DNAI4: variants seen among roughly 807,000 people sequenced by gnomAD.
DNAI4 encodes the protein dynein axonemal intermediate chain 4, also known as WD repeat domain 78.
A neutral mutation model predicts 105.8 loss-of-function variants in DNAI4; 85 were observed. That is an observed-to-expected ratio of 0.80 (90% CI 0.67 to 0.96). DNAI4 has a LOEUF of 0.96. DNAI4 is among the 40% of genes least tolerant of loss of function. The pLI is 0.00. For synonymous variants in DNAI4, 352 were observed against 331.5 expected (o/e 1.06, Z -0.67); for missense variants, 1,014 against 1,005.6 (o/e 1.01, Z -0.11).
At chr1:66,913,548 A>G (rs1649819291) in intron 1 of DNAI4, among the ~76,000 whole-genome samples, 1 of 152,108 alleles carries the variant, frequency 6.6e-6, no homozygotes, top group South Asian at 2.1e-4. Context: ...TATCTGGGCA[A>G]TTGTGGCCCT....
intron 8 of DNAI4, among the ~76,000 whole-genome samples, chr1:66,841,665 T>G (rs1285271365): frequency 6.6e-6 from 1 of 152,098 alleles, no homozygotes; most frequent in Non-Finnish European, 1.5e-5. Flanking sequence ...GCCACTGCAC[T>G]TGGCCAAGAT....
At chr1:66,900,465 TTG>T (rs1228493993) in intron 2 of DNAI4, among the ~76,000 whole-genome samples, 6 of 152,200 alleles carry the variant, frequency 3.9e-5, no homozygotes, top group African/African-American at 1.4e-4. Context: ...CTGATAACAA[TTG>T]TGTTAAGTTT....
intron 10 of DNAI4, among the ~76,000 whole-genome samples, chr1:66,836,772 A>C (rs1002661945): frequency 2.0e-5 from 3 of 152,222 alleles, no homozygotes; most frequent in African/African-American, 7.2e-5. Context: ...ACACTGTTAC[A>C]GCTATTACAG....
rs565616133 is a variant in DNAI4 at position 66,840,673 on chromosome 1, T to C, written c.1292-2A>G. ...CTTCAGGCTCTTCAGGTTCAGGTTC[T>C]AAAGTTTAAACAAATAAAAAGATCA... On this transcript the variant is annotated splice_acceptor_variant, in intron 8 of 16. Transcript: ENST00000371026. LOFTEE classifies it high-confidence loss of function. The C allele has an allele frequency of 6.2e-7, 1 of 1,614,008 alleles. No individual in the cohort carries two copies. The highest frequency in any genetic ancestry group is 1.7e-5 in the Admixed American group (1 of 59,998).
chr1:66,868,052 T>C (rs947139379), intron 6 of DNAI4, among the ~76,000 whole-genome samples: 1 of 152,206 alleles, frequency 6.6e-6, no homozygotes, highest in Non-Finnish European at 1.5e-5. Context: ...CATTTACCGT[T>C]CTTGTTTTAC....
At chr1:66,833,944 T>G in intron 12 of DNAI4, 47 bp downstream of exon 12, 3 of 1,541,726 alleles carry the variant, frequency 1.9e-6, no homozygotes, top group Non-Finnish European at 2.6e-6. Flanking sequence ...CTAGAAAATT[T>G]TAATTCAGCA....
In DNAI4 at chr1:66,848,067, G is replaced by C. The variant is rs139362608; in HGVS notation, c.1097-389C>G. 2.4e-3 allele frequency: 911 copies of C among 385,674 alleles called. 8 individuals are homozygous for C. The highest frequency in any genetic ancestry group is 0.018 in the African/African-American group (837 of 47,504). 23.9% of individuals were successfully genotyped at this position (385,674 alleles called of 1,614,324 possible). A position where few individuals can be genotyped will look rare whatever the true frequency, so the allele number is the denominator to read the frequency against. Reference sequence around the variant, plus strand: ...CTTGCTGCTGTAACAAATCACAGTGGCTTAAAACAATGCAAATTTATCTTA... The same window carrying C: ...CTTGCTGCTGTAACAAATCACAGTGCCTTAAAACAATGCAAATTTATCTTA... On this transcript the variant is annotated intron_variant, in intron 7 of 16. Coordinates refer to ENST00000371026, the MANE Select transcript of DNAI4 (RefSeq NM_024763.5).
intron 12 of DNAI4, 121 bp from the exon 13 acceptor site, chr1:66,833,827 G>A: frequency 1.4e-6 from 2 of 1,414,114 alleles, no homozygotes; most frequent in Admixed American, 2.5e-5. Context: ...CATGTAATTA[G>A]GCTAAAATTA....
chr1:66,827,746 T>A, intron 14 of DNAI4, 66 bp downstream of exon 14: 1 of 874,636 alleles, frequency 1.1e-6, no homozygotes, highest in Non-Finnish European at 1.7e-6. Context: ...ACATATTCTG[T>A]ATATAATGGT....
intron 2 of DNAI4, among the ~76,000 whole-genome samples, chr1:66,893,793 T>C (rs1419241870): frequency 6.6e-6 from 1 of 152,328 alleles, no homozygotes; most frequent in African/African-American, 2.4e-5. Context: ...CAAGTTATTA[T>C]ATGCTTTTGG....
chr1:66,913,834 T>G (rs1649848575), intron 1 of DNAI4, among the ~76,000 whole-genome samples: 1 of 151,868 alleles, frequency 6.6e-6, no homozygotes, highest in African/African-American at 2.4e-5. Flanking sequence ...TACAAAAAAT[T>G]AGCCAGGCGT....
chr1:66,881,336 T>C (rs1647066057), intron 4 of DNAI4, among the ~76,000 whole-genome samples: 1 of 152,126 alleles, frequency 6.6e-6, no homozygotes, highest in African/African-American at 2.4e-5. Flanking sequence ...GGAAAAGCCA[T>C]AGACACTCAC....
Position 66,893,176 on chromosome 1 carries a change from G to A in DNAI4, c.530+53C>T, listed in dbSNP as rs1015609161. 19 of 1,068,436 alleles carry A rather than the reference G, an allele frequency of 1.8e-5. 2 individuals are homozygous for A. The highest frequency in any genetic ancestry group is 6.1e-5 in the Admixed American group (2 of 32,630). 66.2% of individuals were successfully genotyped at this position (1,068,436 alleles called of 1,614,324 possible). A position where few individuals can be genotyped will look rare whatever the true frequency, so the allele number is the denominator to read the frequency against. On this transcript the variant is annotated intron_variant, in intron 3 of 16. Coordinates refer to ENST00000371026, the MANE Select transcript of DNAI4 (RefSeq NM_024763.5). ...TAAGATACACATTTGCAATTTAAAT[G>A]GAAAGGCAATATATATGATAGAAAA... is the stretch of plus-strand genomic sequence containing the variant.
At chr1:66,882,073 C>T (rs1647085152) in intron 4 of DNAI4, among the ~76,000 whole-genome samples, 1 of 152,190 alleles carries the variant, frequency 6.6e-6, no homozygotes, top group South Asian at 2.1e-4. Flanking sequence ...TGAGGCCTCC[C>T]CAGCCATGTG....
At chr1:66,919,192 G>T (rs542035500) in intron 1 of DNAI4, 3 of 391,692 alleles carry the variant, frequency 7.7e-6, no homozygotes, top group Non-Finnish European at 1.6e-5. Flanking sequence ...GCTGTATCAC[G>T]GGTACACATC....
At chr1:66,834,541 T>C (rs1021095233) in intron 11 of DNAI4, among the ~76,000 whole-genome samples, 12 of 152,132 alleles carry the variant, frequency 7.9e-5, no homozygotes, top group Admixed American at 6.5e-4. Flanking sequence ...GATGTTTCTA[T>C]GAATTAAGTT....
chr1:66,886,012 A>C (rs187610834), intron 4 of DNAI4, among the ~76,000 whole-genome samples: 13 of 152,234 alleles, frequency 8.5e-5, no homozygotes, highest in Admixed American at 3.3e-4. Context: ...ATTATCCCAC[A>C]GTTCTTGGAT....
chr1:66,857,972 G>A (rs983611996), intron 7 of DNAI4, among the ~76,000 whole-genome samples: 2 of 152,116 alleles, frequency 1.3e-5, no homozygotes, highest in Non-Finnish European at 2.9e-5. Flanking sequence ...AGGAAAAATG[G>A]ATAATCTGAA....
intron 1 of DNAI4, among the ~76,000 whole-genome samples, chr1:66,908,223 C>T (rs1649404418): frequency 6.6e-6 from 1 of 152,170 alleles, no homozygotes; most frequent in African/African-American, 2.4e-5. Context: ...CAAACACATG[C>T]CCTATTCTGG....
Sources: allele counts gnomAD v4.1 joint callset (sites outside exome capture counted in the v4.1 genomes callset), GRCh38; gene constraint gnomAD v4.1.1; transcripts MANE v1.5; gene names NCBI Gene and HGNC (gene_info 2026-07-23, HGNC 2026-07-21).